FAM3B: variants seen among roughly 807,000 people sequenced by gnomAD.
FAM3B encodes the protein protein FAM3B.
In FAM3B, 29 loss-of-function variants were observed where a neutral mutation model predicts 28.4. That is an observed-to-expected ratio of 1.02 (90% CI 0.76 to 1.39). The LOEUF is 1.39. Ranked by LOEUF, FAM3B falls within the 40% of genes most tolerant of loss-of-function variation. The probability of loss-of-function intolerance (pLI) is 0.00; values close to 1 mark genes in which losing one functional copy is unlikely to be tolerated. For synonymous variants in FAM3B, 91 were observed against 103.0 expected, an observed-to-expected ratio of 0.88 and a Z score of 0.71; for missense variants, 266 against 293.9, an observed-to-expected ratio of 0.91 and a Z score of 0.69.
At chr21:41,347,550 C>A (rs571692284) in intron 6 of FAM3B, among the ~76,000 whole-genome samples, 1 of 152,120 alleles carries the variant, frequency 6.6e-6, no homozygotes, top group Non-Finnish European at 1.5e-5. Context: ...GTCAAGGGTT[C>A]GAGACCATCC....
intron 1 of FAM3B, among the ~76,000 whole-genome samples, chr21:41,317,334 G>A (rs2088759283): frequency 6.6e-6 from 1 of 150,926 alleles, no homozygotes; most frequent in Non-Finnish European, 1.5e-5. Flanking sequence ...TTGCACGCCA[G>A]GGAGGGGCTG....
chr21:41,345,425 G>A (rs1009437140), intron 4 of FAM3B, among the ~76,000 whole-genome samples: 2 of 152,156 alleles, frequency 1.3e-5, no homozygotes, highest in Non-Finnish European at 2.9e-5. Flanking sequence ...AGTTGGGTGG[G>A]GGAGGTATTA....
chr21:41,334,057 C>G (rs1184796781), intron 2 of FAM3B, among the ~76,000 whole-genome samples: 1 of 152,174 alleles, frequency 6.6e-6, no homozygotes, highest in Non-Finnish European at 1.5e-5. Context: ...TTCTAAGCAG[C>G]AAAGCATTTA....
chr21:41,338,899 G>A (rs901329992), intron 3 of FAM3B, among the ~76,000 whole-genome samples: 1 of 152,042 alleles, frequency 6.6e-6, no homozygotes, highest in Non-Finnish European at 1.5e-5. Flanking sequence ...GGGGTGTTCG[G>A]GGCCAGATGG....
intron 7 of FAM3B, among the ~76,000 whole-genome samples, chr21:41,356,043 A>ATACG (rs2089164154): frequency 2.7e-5 from 2 of 74,884 alleles, no homozygotes; most frequent in African/African-American, 1.3e-4. Context: ...AAATACATAC[A>ATACG]CACACACACA....
At chr21:41,312,810 C>T (rs1052415758), upstream of FAM3B, among the ~76,000 whole-genome samples, 1 of 151,572 alleles carries the variant, frequency 6.6e-6, no homozygotes, top group African/African-American at 2.4e-5. Flanking sequence ...TGTCCCCAAG[C>T]CACAGAGGCA....
At chr21:41,347,236 T>A in intron 6 of FAM3B, 136 bp downstream of exon 6, 1 of 723,052 alleles carries the variant, frequency 1.4e-6, no homozygotes, top group Non-Finnish European at 2.5e-6. Flanking sequence ...GGAAAAAGAA[T>A]GAAAGATCAT....
Position 41,335,025 on chromosome 21 carries a change from G to A in FAM3B, c.164-3353G>A, listed in dbSNP as rs187560598. Among the ~76,000 whole-genome samples the A allele has an allele frequency of 2.1e-3, 313 of 152,314 alleles. 1 individual carries two copies. The highest frequency in any genetic ancestry group is 7.9e-3 in the South Asian group (38 of 4,826). On this transcript the variant is annotated intron_variant, in intron 2 of 7. Transcript: ENST00000357985. ...TGGGTTTTGGACTCGTGTGGGGCCTGTAGCCTCTTTCTTTTGGCTGATTTT... is the reference window on the plus strand; with the variant it reads ...TGGGTTTTGGACTCGTGTGGGGCCTATAGCCTCTTTCTTTTGGCTGATTTT...
intron 7 of FAM3B, among the ~76,000 whole-genome samples, chr21:41,356,364 T>G (rs1157136994): frequency 6.6e-6 from 1 of 152,146 alleles, no homozygotes; most frequent in African/African-American, 2.4e-5. Context: ...TTAAACATGC[T>G]CAGAACACTT....
At chr21:41,356,942 T>G (rs2089172504) in intron 7 of FAM3B, among the ~76,000 whole-genome samples, 166 bp from the exon 8 acceptor site, 1 of 152,178 alleles carries the variant, frequency 6.6e-6, no homozygotes, top group South Asian at 2.1e-4. Context: ...CTATTATATA[T>G]TAATTTAAAA....
rs187556287 is a variant in FAM3B, at chr21:41,352,192, C to T, written c.618+3468C>T. Among the ~76,000 whole-genome samples, 769 of 152,326 alleles carry T rather than the reference C, an allele frequency of 5.0e-3. 4 individuals are homozygous for T. The highest frequency in any genetic ancestry group is 8.3e-3 in the Non-Finnish European group (565 of 68,028). On this transcript the variant is annotated intron_variant, in intron 7 of 7. Coordinates refer to ENST00000357985, the MANE Select transcript of FAM3B (RefSeq NM_058186.4). Reference sequence around the variant, plus strand: ...AAAGCCTCATGAGTGGCTGCTCTTACCATACCCTGCAGCGCTTTGCCACTA... The same window carrying T: ...AAAGCCTCATGAGTGGCTGCTCTTATCATACCCTGCAGCGCTTTGCCACTA...
At chr21:41,349,268 T>C (rs2089092467) in intron 7 of FAM3B, among the ~76,000 whole-genome samples, 1 of 152,148 alleles carries the variant, frequency 6.6e-6, no homozygotes, top group Non-Finnish European at 1.5e-5. Flanking sequence ...AAGTCTCCTG[T>C]GAAAATTCCA....
At chr21:41,324,186 TG>T (rs962786953) in intron 2 of FAM3B, among the ~76,000 whole-genome samples, 1 of 152,214 alleles carries the variant, frequency 6.6e-6, no homozygotes, top group African/African-American at 2.4e-5. Flanking sequence ...AGTTGCAAAC[TG>T]GGGGCCCAGA....
intron 5 of FAM3B, among the ~76,000 whole-genome samples, chr21:41,346,736 C>T (rs1007774399): frequency 2.6e-5 from 4 of 152,018 alleles, no homozygotes; most frequent in African/African-American, 9.7e-5. Context: ...AGCTCCTTAT[C>T]TTGACCCCCT....
chr21:41,339,774 T>G (rs2088987301), intron 3 of FAM3B, among the ~76,000 whole-genome samples: 2 of 152,222 alleles, frequency 1.3e-5, no homozygotes, highest in South Asian at 4.1e-4. Context: ...GATGTCTATA[T>G]TAATCAAGGC....
intron 2 of FAM3B, among the ~76,000 whole-genome samples, chr21:41,332,034 G>T (rs557421407): frequency 6.6e-6 from 1 of 152,346 alleles, no homozygotes; most frequent in East Asian, 1.9e-4. Context: ...TGGAGGTGGA[G>T]CCTGGAGGGA....
chr21:41,329,720 C>T (rs1461389233), intron 2 of FAM3B, among the ~76,000 whole-genome samples: 2 of 152,124 alleles, frequency 1.3e-5, no homozygotes, highest in Non-Finnish European at 2.9e-5. Flanking sequence ...CAGGTGCTCA[C>T]CACCTCACCT....
At chr21:41,315,987 CTT>C (rs984732839), upstream of FAM3B, among the ~76,000 whole-genome samples, 1 of 152,192 alleles carries the variant, frequency 6.6e-6, no homozygotes, top group Admixed American at 6.6e-5. Flanking sequence ...CTGGAGCTCT[CTT>C]CTGCAAAAGT....
At chr21:41,356,345 T>TA (rs2145838234) in intron 7 of FAM3B, among the ~76,000 whole-genome samples, 1 of 152,312 alleles carries the variant, frequency 6.6e-6, no homozygotes, top group Admixed American at 6.5e-5. Flanking sequence ...TAGTTTAGCA[T>TA]AGCATACCTT....
Sources: allele counts gnomAD v4.1 joint callset (sites outside exome capture counted in the v4.1 genomes callset), GRCh38; gene constraint gnomAD v4.1.1; transcripts MANE v1.5; gene names NCBI Gene and HGNC (gene_info 2026-07-23, HGNC 2026-07-21).